GRAP: variants seen among roughly 807,000 people sequenced by gnomAD.
GRAP encodes the protein GRB2-related adapter protein.
A neutral mutation model predicts 9.1 loss-of-function variants in GRAP; 2 were observed. The ratio of observed to expected loss-of-function variants is 0.22; its 90% CI spans 0.09 to 0.69. The LOEUF (loss-of-function observed/expected upper bound fraction) is 0.69. GRAP is among the 30% of genes least tolerant of loss of function. The pLI is 0.81. For missense variants in GRAP, 113 were observed against 179.4 expected, an observed-to-expected ratio of 0.63 and a Z score of 2.12; for synonymous variants, 68 against 73.6, an observed-to-expected ratio of 0.92 and a Z score of 0.39.
At position 19,024,199 on chromosome 17, in the gene GRAP, C is replaced by T; in HGVS notation, c.468+16G>A. ...TGCAGAGAGGCTCCCACAGGCCAGC[C>T]CCCACCCGCCCCTACCTTGAGCAAG... On this transcript the variant is annotated intron_variant, in intron 4 of 4. Transcript: ENST00000284154. This position sits in a 1 kb window ranked among gnomAD's most constrained non-coding sequence, Gnocchi z 4.2. The T allele has an allele frequency of 1.3e-6, 2 of 1,568,224 alleles. No individual in the cohort carries two copies. The highest frequency in any genetic ancestry group is 8.6e-7 in the Non-Finnish European group (1 of 1,156,862).
rs2044297422 is a variant in GRAP, at chr17:19,024,437, G to A, written c.300-54C>T. ...GGTGGTGGCCGTCCCAGCCTGGCAT[G>A]GTCCCAGGGGCTCCCGTCTCACTAC... On this transcript the variant is annotated intron_variant, in intron 3 of 4. Coordinates refer to ENST00000284154, the MANE Select transcript of GRAP (RefSeq NM_006613.4). This position sits in a 1 kb window ranked among gnomAD's most constrained non-coding sequence, Gnocchi z 4.2. 1.3e-6 allele frequency: 2 copies of A among 1,574,454 alleles called. No individual in the cohort carries two copies. The highest frequency in any genetic ancestry group is 1.7e-6 in the Non-Finnish European group (2 of 1,158,422).
intron 4 of GRAP, among the ~76,000 whole-genome samples, chr17:19,023,150 T>C (rs1391589627): frequency 1.3e-5 from 2 of 152,130 alleles, no homozygotes; most frequent in East Asian, 1.9e-4. Flanking sequence ...GGCTGGGAGC[T>C]CACAGTGACC....
In GRAP at chr17:19,021,838, G is replaced by A. The variant is rs368972418; in HGVS notation, c.*121C>T. The A allele has an allele frequency of 5.1e-5, 53 of 1,043,148 alleles. No individual in the cohort carries two copies. The highest frequency in any genetic ancestry group is 2.8e-4 in the African/African-American group (17 of 60,064). The allele number at this position is 1,043,148 out of a possible 1,614,324, so 64.6% of individuals were successfully genotyped here. A position where few individuals can be genotyped will look rare whatever the true frequency, so the allele number is the denominator to read the frequency against. On this transcript the variant is annotated 3_prime_UTR_variant, in exon 5 of 5. Coordinates refer to ENST00000284154, the MANE Select transcript of GRAP (RefSeq NM_006613.4). This position sits in a 1 kb window ranked among gnomAD's most constrained non-coding sequence, Gnocchi z 4.1. ...CGGCCGGAGGCAGTTAGGAGCCCAC[G>A]TTCAGTCCAAGGCCGTCCACTGAGC...
chr17:19,021,944 C>A lies in GRAP; in HGVS notation c.*15G>T. ...CTGTAAAAAGGCCCGTTGGCCAGATCGGCCGCCGGGCTGCTCACAGGTGCA... is the reference window on the plus strand; with the variant it reads ...CTGTAAAAAGGCCCGTTGGCCAGATAGGCCGCCGGGCTGCTCACAGGTGCA... On this transcript the variant is annotated 3_prime_UTR_variant, in exon 5 of 5. Transcript: ENST00000284154. This position sits in a 1 kb window ranked among gnomAD's most constrained non-coding sequence, Gnocchi z 4.1. 1 of 1,496,784 alleles carries A rather than the reference C, an allele frequency of 6.7e-7. No homozygotes were observed. Among genetic ancestry groups the A allele is most frequent in the Non-Finnish European group, 8.9e-7 (1 of 1,124,214 alleles). The allele number at this position is 1,496,784 out of a possible 1,614,324, so 92.7% of individuals were successfully genotyped here. A position where few individuals can be genotyped will look rare whatever the true frequency, so the allele number is the denominator to read the frequency against.
chr17:19,023,237 C>T (rs2044287270), intron 4 of GRAP, among the ~76,000 whole-genome samples: 1 of 152,104 alleles, frequency 6.6e-6, no homozygotes, highest in African/African-American at 2.4e-5. Flanking sequence ...GTTTGACTCC[C>T]CTGGCATATC....
At chr17:19,023,625 A>ACCCCAAC (rs2044289936) in intron 4 of GRAP, among the ~76,000 whole-genome samples, 1 of 135,058 alleles carries the variant, frequency 7.4e-6, no homozygotes, top group East Asian at 2.6e-4. Context: ...GGGGTGGATG[A>ACCCCAAC]CCCCGACCCC....
upstream of GRAP, among the ~76,000 whole-genome samples, chr17:19,049,936 T>C (rs1257774387): frequency 6.6e-5 from 8 of 120,404 alleles, no homozygotes; most frequent in Non-Finnish European, 1.3e-4. Context: ...AGAGTGAAAC[T>C]CCATCTCAAA....
intron 4 of GRAP, among the ~76,000 whole-genome samples, chr17:19,023,210 G>A (rs2044287049): frequency 6.6e-6 from 1 of 152,154 alleles, no homozygotes. Context: ...AAACTAGTGG[G>A]GGTCTCTCAA....
chr17:19,025,338 C>T (rs1192386822), intron 3 of GRAP, among the ~76,000 whole-genome samples: 3 of 150,706 alleles, frequency 2.0e-5, no homozygotes, highest in African/African-American at 7.3e-5. Flanking sequence ...ATTACAGGTG[C>T]CCGCCACCAC....
At chr17:19,025,193 TC>T in intron 3 of GRAP, among the ~76,000 whole-genome samples, 1 of 139,674 alleles carries the variant, frequency 7.2e-6, no homozygotes, top group Admixed American at 7.4e-5. Flanking sequence ...TCTTTTCTTT[TC>T]TTTTTTTTTT....
Position 19,021,781 on chromosome 17 carries a change from G to T in GRAP, c.*178C>A. The T allele has an allele frequency of 1.9e-6, 1 of 515,888 alleles. No individual in the cohort carries two copies. The highest frequency in any genetic ancestry group is 3.0e-6 in the Non-Finnish European group (1 of 328,062). The allele number at this position is 515,888 out of a possible 1,614,324, so 32.0% of individuals were successfully genotyped here. A position where few individuals can be genotyped will look rare whatever the true frequency, so the allele number is the denominator to read the frequency against. On this transcript the variant is annotated 3_prime_UTR_variant, in exon 5 of 5. Coordinates refer to ENST00000284154, the MANE Select transcript of GRAP (RefSeq NM_006613.4). This position sits in a 1 kb window ranked among gnomAD's most constrained non-coding sequence, Gnocchi z 4.1. Reference sequence around the variant, plus strand: ...GCTACCCTTGCTGGGTACCCTTGCTGGGGGACCTGGGCCATCCCAGTTTGT... The same window carrying T: ...GCTACCCTTGCTGGGTACCCTTGCTTGGGGACCTGGGCCATCCCAGTTTGT...
At chr17:19,027,367 C>T (rs1467180582) in intron 3 of GRAP, among the ~76,000 whole-genome samples, 1 of 148,078 alleles carries the variant, frequency 6.8e-6, no homozygotes, top group Admixed American at 7.0e-5. Context: ...GTAGATAGCC[C>T]CTCAGCCTCC....
At chr17:19,031,412 C>T (rs1456446220) in intron 3 of GRAP, 2 of 108,614 alleles carry the variant, frequency 1.8e-5, no homozygotes, top group South Asian at 3.8e-4. Flanking sequence ...TGTCATTTTC[C>T]GAGGTGGCCA....
Position 19,020,657 on chromosome 17 carries a change from T to C in GRAP, c.*1302A>G, listed in dbSNP as rs745881601. 3.8e-5 allele frequency: 22 copies of C among 571,550 alleles called. No homozygotes were observed. Among genetic ancestry groups the C allele is most frequent in the Non-Finnish European group, 6.3e-5 (20 of 319,478 alleles). The allele number at this position is 571,550 out of a possible 1,614,324, so 35.4% of individuals were successfully genotyped here. On this transcript the variant is annotated 3_prime_UTR_variant, in exon 5 of 5. Transcript: ENST00000284154. ...AAAACAGCACCAAAGCAGTCAGCAT[T>C]GGAAGGAAAATTAGATTTCTGACGG...
At chr17:19,022,969 G>A (rs758148560) in intron 4 of GRAP, among the ~76,000 whole-genome samples, 6 of 152,220 alleles carry the variant, frequency 3.9e-5, no homozygotes, top group Non-Finnish European at 7.3e-5. Flanking sequence ...GTGACCCCAC[G>A]GCCCGGGCCA....
At position 19,027,474 on chromosome 17, in the gene GRAP, G is replaced by A. The variant is rs1299441957; in HGVS notation, c.300-3091C>T. Among the ~76,000 whole-genome samples the A allele has an allele frequency of 5.1e-3, 375 of 73,688 alleles. 13 individuals are homozygous for A. The East Asian group carries it at 0.053, about 10-fold the overall frequency. The allele number at this position is 73,688 out of a possible 152,430, so 48.3% of individuals were successfully genotyped here. The stretch of plus-strand genomic sequence containing the variant: ...TGATGCCTTGATGGGACACATGCGC[G>A]CGCGCGCGCGCACACACACACACAC... On this transcript the variant is annotated intron_variant, in intron 3 of 4. Coordinates refer to ENST00000284154, the MANE Select transcript of GRAP (RefSeq NM_006613.4).
At chr17:19,030,027 TGTGTG>T (rs1330780460) in intron 3 of GRAP, among the ~76,000 whole-genome samples, 10 of 69,724 alleles carry the variant, frequency 1.4e-4, no homozygotes, top group Non-Finnish European at 4.2e-4. Context: ...TGTCTCCCAC[TGTGTG>T]GAGTGACTGT....
intron 3 of GRAP, among the ~76,000 whole-genome samples, chr17:19,025,194 C>CTTTTT (rs577399592): frequency 7.7e-5 from 9 of 117,556 alleles, no homozygotes; most frequent in South Asian, 6.1e-4. Flanking sequence ...CTTTTCTTTT[C>CTTTTT]TTTTTTTTTT....
In GRAP at chr17:19,022,042, G is replaced by A. The variant is rs754240410; in HGVS notation, c.571C>T (p.Pro191Ser). The change falls in exon 5 of 5, where the codon CCA (proline) becomes TCA (serine). Residue 191 changes from proline (P) to serine (S), a missense_variant. Pro to Ser is a moderately conservative substitution (Grantham distance 74, BLOSUM62 -1). Around this residue, in one of 2 missense-constraint regions of GRAP, gnomAD observed 113 missense variants for 163.3 expected, o/e 0.69. Coordinates refer to ENST00000284154, the MANE Select transcript of GRAP (RefSeq NM_006613.4). The part of the protein sequence containing the change: ...RGDIIEVLER[P>S]DPHWWRGRSC... ...CGGCCCCGCCACCAGTGGGGGTCTG[G>A]GCGCTCCAGGACCTCAATGATGTCG... 3.1e-6 allele frequency: 5 copies of A among 1,598,086 alleles called. No individual in the cohort carries two copies. Among genetic ancestry groups the A allele is most frequent in the Non-Finnish European group, 3.4e-6 (4 of 1,173,114 alleles).
Sources: allele counts gnomAD v4.1 joint callset (sites outside exome capture counted in the v4.1 genomes callset), GRCh38; gene constraint gnomAD v4.1.1; regional missense constraint gnomAD v4.1.1; non-coding constraint Gnocchi (gnomAD v3.1); transcripts MANE v1.5; gene names NCBI Gene and HGNC (gene_info 2026-07-23, HGNC 2026-07-21).